Variants in NPAS3 observed in about 807,000 individuals in gnomAD.
The protein encoded by NPAS3 is neuronal PAS domain protein 3, also known as neuronal PAS domain-containing protein 3.
NPAS3 carries 14 observed loss-of-function variants against 73.1 expected under a neutral mutation model. The observed-to-expected ratio is 0.19, with a 90% CI of 0.13 to 0.30. The LOEUF (loss-of-function observed/expected upper bound fraction) is 0.30. Among genes scored for constraint, NPAS3 ranks in the 10% least tolerant of loss-of-function variants. The pLI, the probability that NPAS3 is intolerant of heterozygous loss-of-function variation, is 1.00. For synonymous variants in NPAS3, 620 were observed against 541.5 expected (o/e 1.14, Z -2.01); for missense variants, 1,096 against 1,250.0 (o/e 0.88, Z 1.86).
At position 32,996,885 on chromosome 14, in the gene NPAS3, A is replaced by G. The variant is rs148111574; in HGVS notation, c.50+57519A>G. The stretch of plus-strand genomic sequence containing the variant: ...CACTGCCTAATGGAGCTTTGAGGAG[A>G]GGGCCACCATCCTCCAGACGCCGGA... On this transcript the variant is annotated intron_variant, in intron 1 of 11. Coordinates refer to ENST00000356141, the Ensembl canonical transcript of NPAS3. Among the ~76,000 whole-genome samples, 777 of 152,176 alleles carry G rather than the reference A, an allele frequency of 5.1e-3. 10 individuals are homozygous for G. The highest frequency in any genetic ancestry group is 0.018 in the African/African-American group (739 of 41,516).
chr14:33,318,848 A>G (rs1566791598), intron 3 of NPAS3, among the ~76,000 whole-genome samples: 1 of 152,052 alleles, frequency 6.6e-6, no homozygotes, highest in African/African-American at 2.4e-5. Context: ...AATTCCTACT[A>G]CCTTCACTTT....
At chr14:33,403,853 CCTTT>C (rs1304679726) in intron 4 of NPAS3, among the ~76,000 whole-genome samples, 2 of 151,810 alleles carry the variant, frequency 1.3e-5, no homozygotes, top group African/African-American at 4.8e-5. Context: ...TTCCTTCCTT[CCTTT>C]TACAAAAGCA....
At chr14:33,537,185 A>G (rs752084068) in intron 4 of NPAS3, among the ~76,000 whole-genome samples, 2 of 152,080 alleles carry the variant, frequency 1.3e-5, no homozygotes, top group Non-Finnish European at 2.9e-5. Context: ...AAATAAATGA[A>G]CATTTTTGTC....
chr14:32,941,229 C>T, intron 1 of NPAS3, among the ~76,000 whole-genome samples: 1 of 53,456 alleles, frequency 1.9e-5, no homozygotes, highest in East Asian at 6.0e-4. Flanking sequence ...TCCCTCCCTC[C>T]CTTCCCCTCC....
intron 4 of NPAS3, among the ~76,000 whole-genome samples, chr14:33,400,460 T>G (rs187754313): frequency 6.6e-5 from 10 of 152,298 alleles, no homozygotes; most frequent in Non-Finnish European, 2.9e-5. Flanking sequence ...TGGGTTTCTT[T>G]AAAATCTCAA....
At chr14:33,079,325 C>CTTTTTTTTTTTTT (rs772885846) in intron 2 of NPAS3, among the ~76,000 whole-genome samples, 11,386 of 130,066 alleles carry the variant, frequency 0.088, 898 homozygotes, top group African/African-American at 0.14. Context: ...TTTCTTTTTC[C>CTTTTTTTTTTTTT]TTTTTTTTTT....
intron 1 of NPAS3, among the ~76,000 whole-genome samples, chr14:33,035,306 A>AT (rs566039429): frequency 3.9e-4 from 59 of 151,856 alleles, no homozygotes; most frequent in African/African-American, 7.2e-4. Context: ...CTAGAAGCAG[A>AT]TTTTTTTTTA....
intron 5 of NPAS3, among the ~76,000 whole-genome samples, chr14:33,610,428 C>T (rs2057713745): frequency 6.6e-6 from 1 of 152,004 alleles, no homozygotes; most frequent in Admixed American, 6.6e-5. Flanking sequence ...AAAGTTTTTC[C>T]CTCTCCTTTT....
chr14:33,360,338 A>C (rs574266600), intron 3 of NPAS3, among the ~76,000 whole-genome samples: 2 of 150,534 alleles, frequency 1.3e-5, no homozygotes, highest in East Asian at 2.0e-4. Flanking sequence ...GACTTCCCCA[A>C]ATTGGGTGGT....
chr14:32,971,908 G>GACA (rs1170714377), intron 1 of NPAS3, among the ~76,000 whole-genome samples: 2 of 149,530 alleles, frequency 1.3e-5, no homozygotes, highest in African/African-American at 4.9e-5. Flanking sequence ...ATTGAGAAGT[G>GACA]ACAGATATCT....
intron 5 of NPAS3, among the ~76,000 whole-genome samples, chr14:33,577,245 G>C (rs1015666057): frequency 6.6e-6 from 1 of 152,130 alleles, no homozygotes; most frequent in African/African-American, 2.4e-5. Context: ...TACTTTTGAT[G>C]CATGTGATTT....
chr14:33,272,890 A>T (rs1373225872), intron 3 of NPAS3, among the ~76,000 whole-genome samples: 2 of 152,222 alleles, frequency 1.3e-5, no homozygotes, highest in Non-Finnish European at 2.9e-5. Context: ...AAATCTCTTT[A>T]CAATTTTACA....
chr14:33,399,347 G>T (rs138155778), intron 4 of NPAS3, among the ~76,000 whole-genome samples: 1 of 152,106 alleles, frequency 6.6e-6, no homozygotes, highest in Admixed American at 6.5e-5. Flanking sequence ...GGAACATGGA[G>T]TGCTTGCCTC....
At chr14:33,173,050 CA>C (rs1332236198) in intron 2 of NPAS3, among the ~76,000 whole-genome samples, 1 of 152,010 alleles carries the variant, frequency 6.6e-6, no homozygotes, top group Non-Finnish European at 1.5e-5. Context: ...ATAACTTGAA[CA>C]AAAAATTGAG....
At chr14:33,201,154 G>A (rs931219558) in intron 2 of NPAS3, among the ~76,000 whole-genome samples, 1 of 152,112 alleles carries the variant, frequency 6.6e-6, no homozygotes, top group Non-Finnish European at 1.5e-5. Context: ...GACCATCCTG[G>A]GACACTTAAT....
Position 32,945,968 on chromosome 14 carries a change from T to C in NPAS3, c.50+6602T>C, listed in dbSNP as rs146781866. Among the ~76,000 whole-genome samples, 1,175 of 152,296 alleles carry C rather than the reference T, an allele frequency of 7.7e-3. 13 individuals are homozygous for C. The highest frequency in any genetic ancestry group is 0.027 in the African/African-American group (1,123 of 41,550). ...GGCCCTCTTCTGCTCATATAATTCA[T>C]GGCTCAGAGTGTGCCACAAGTTTCT... is the stretch of plus-strand genomic sequence containing the variant. On this transcript the variant is annotated intron_variant, in intron 1 of 11. Coordinates refer to ENST00000356141, the Ensembl canonical transcript of NPAS3.
At chr14:33,022,543 T>C (rs1000988377) in intron 1 of NPAS3, among the ~76,000 whole-genome samples, 3 of 151,862 alleles carry the variant, frequency 2.0e-5, no homozygotes, top group Non-Finnish European at 4.4e-5. Context: ...CGGGAGCCTG[T>C]AGTCCTAGCT....
In NPAS3 at chr14:33,458,765, C is replaced by T. The variant is rs916236463; in HGVS notation, c.468+91497C>T. On this transcript the variant is annotated intron_variant, in intron 4 of 11. Transcript: ENST00000356141. The stretch of plus-strand genomic sequence containing the variant: ...TCAATAATAATCAGTAATTAAGTAA[C>T]CAAAAGAAAAAGGATACTAGGCAGT... Among the ~76,000 whole-genome samples, 6 of 151,886 alleles carry T rather than the reference C, an allele frequency of 4.0e-5. No individual in the cohort carries two copies. The South Asian group carries it at 1.2e-3, about 31-fold the overall frequency.
intron 4 of NPAS3, among the ~76,000 whole-genome samples, chr14:33,442,514 T>C (rs1228748174): frequency 1.3e-5 from 2 of 152,190 alleles, no homozygotes; most frequent in Non-Finnish European, 2.9e-5. Flanking sequence ...TCCGCATGTG[T>C]TGTGGGAGGT....
Sources: allele counts gnomAD v4.1 joint callset (sites outside exome capture counted in the v4.1 genomes callset), GRCh38; gene constraint gnomAD v4.1.1; transcripts MANE v1.5; gene names NCBI Gene and HGNC (gene_info 2026-07-23, HGNC 2026-07-21).